DLGAP1: variants seen among roughly 807,000 people sequenced by gnomAD.
DLGAP1 encodes disks large-associated protein 1.
DLGAP1 carries 11 observed loss-of-function variants against 90.8 expected under a neutral mutation model. The ratio of observed to expected loss-of-function variants is 0.12; its 90% CI spans 0.08 to 0.20. The LOEUF is 0.20. Among genes scored for constraint, DLGAP1 ranks in the 10% least tolerant of loss-of-function variants. DLGAP1 has a pLI of 1.00. For synonymous variants in DLGAP1, 558 were observed against 540.7 expected, an observed-to-expected ratio of 1.03 and a Z score of -0.44; for missense variants, 1,050 against 1,333.8, an observed-to-expected ratio of 0.79 and a Z score of 3.31.
intron 4 of DLGAP1, among the ~76,000 whole-genome samples, chr18:3,873,540 T>C (rs914612460): frequency 6.6e-6 from 1 of 152,182 alleles, no homozygotes; most frequent in Non-Finnish European, 1.5e-5. Context: ...ATAAATTGCA[T>C]GTAAAGTAGT....
intron 2 of DLGAP1, among the ~76,000 whole-genome samples, chr18:4,144,231 A>C (rs1032006830): frequency 2.0e-5 from 3 of 151,900 alleles, no homozygotes; most frequent in African/African-American, 2.4e-5. Context: ...TTTATTTAGA[A>C]CCCCAGAGCA....
At chr18:3,910,795 T>A (rs1040980779) in intron 3 of DLGAP1, among the ~76,000 whole-genome samples, 1 of 152,164 alleles carries the variant, frequency 6.6e-6, no homozygotes, top group Non-Finnish European at 1.5e-5. Context: ...ATACCTCATT[T>A]TCTAAATATA....
intron 7 of DLGAP1, among the ~76,000 whole-genome samples, chr18:3,611,383 G>C (rs2057617873): frequency 6.6e-6 from 1 of 152,052 alleles, no homozygotes; most frequent in South Asian, 2.1e-4. Flanking sequence ...GCAGTGCAAA[G>C]TTGCAGCTTG....
chr18:4,108,503 G>A (rs1178371547), intron 2 of DLGAP1, among the ~76,000 whole-genome samples: 1 of 150,702 alleles, frequency 6.6e-6, no homozygotes, highest in Admixed American at 6.6e-5. Context: ...ATGAGGAAAA[G>A]GTATTATCAT....
At chr18:4,402,701 A>C (rs2082580799) in intron 1 of DLGAP1, among the ~76,000 whole-genome samples, 1 of 152,224 alleles carries the variant, frequency 6.6e-6, no homozygotes. Context: ...TGCTTTGCAA[A>C]AAGAAAAATT....
At chr18:3,962,189 T>C (rs2073212896) in intron 3 of DLGAP1, among the ~76,000 whole-genome samples, 1 of 152,242 alleles carries the variant, frequency 6.6e-6, no homozygotes, top group South Asian at 2.1e-4. Context: ...TTTTAATATC[T>C]GCAGTCCTTC....
Position 3,772,394 on chromosome 18 carries a change from TTCTTTCTTTCTTTC to T in DLGAP1, c.1173-29896_1173-29883del, listed in dbSNP as rs71160919. ...TTTCTTTCTTTCTTTCTTTCTTTCTTTCTTTCTTTCTTTCTCTTTCTTTCTTTCCTTCCTTCCTC... is the reference window on the plus strand; with the variant it reads ...TTTCTTTCTTTCTTTCTTTCTTTCTTTCTTTCTTTCTTTCCTTCCTTCCTC... On this transcript the variant is annotated intron_variant, in intron 5 of 12. Coordinates refer to ENST00000315677, the MANE Select transcript of DLGAP1 (RefSeq NM_004746.4). Among the ~76,000 whole-genome samples, 71 of 32,474 alleles carry T rather than the reference TTCTTTCTTTCTTTC, an allele frequency of 2.2e-3. 3 individuals carry two copies. The highest frequency in any genetic ancestry group is 0.012 in the South Asian group (7 of 566). 21.3% of individuals were successfully genotyped at this position (32,474 alleles called of 152,430 possible).
chr18:4,371,824 C>T (rs2081923048), intron 1 of DLGAP1, among the ~76,000 whole-genome samples: 1 of 152,204 alleles, frequency 6.6e-6, no homozygotes. Context: ...TGCTGCAGTA[C>T]TTAATCCTGT....
At chr18:3,538,511 T>C (rs903228143) in intron 9 of DLGAP1, among the ~76,000 whole-genome samples, 1 of 152,246 alleles carries the variant, frequency 6.6e-6, no homozygotes, top group African/African-American at 2.4e-5. Flanking sequence ...ACCACTCATT[T>C]CTTGGCTGCA....
At chr18:3,880,218 C>G (rs2071119905) in intron 3 of DLGAP1, 78 bp from the exon 4 acceptor site, 4 of 729,680 alleles carry the variant, frequency 5.5e-6, no homozygotes, top group South Asian at 5.3e-5. Context: ...GGGTCTTGCT[C>G]TGTTGCCCAG....
rs112175520 is a variant in DLGAP1, at chr18:4,131,154, C to T, written c.-159+20026G>A. Among the ~76,000 whole-genome samples the T allele has an allele frequency of 1.0e-3, 156 of 152,022 alleles. 1 individual carries two copies. Among genetic ancestry groups the T allele is most frequent in the African/African-American group, 3.7e-3 (155 of 41,478 alleles). ...GACATTCACAGAAAGAAACAAAGAC[C>T]GTTATTGTCTCCAGTTTATGAGCTT... is the stretch of plus-strand genomic sequence containing the variant. On this transcript the variant is annotated intron_variant, in intron 2 of 12. Coordinates refer to ENST00000315677, the MANE Select transcript of DLGAP1 (RefSeq NM_004746.4).
intron 1 of DLGAP1, among the ~76,000 whole-genome samples, chr18:4,245,767 G>A (rs2078641025): frequency 6.7e-6 from 1 of 149,546 alleles, no homozygotes; most frequent in East Asian, 1.9e-4. Context: ...TAGAGAGGCT[G>A]GGAGCATTTA....
At chr18:4,065,281 C>A (rs1488187300) in intron 2 of DLGAP1, among the ~76,000 whole-genome samples, 1 of 152,092 alleles carries the variant, frequency 6.6e-6, no homozygotes. Flanking sequence ...GACAAGGATG[C>A]CCTCTCTCAT....
chr18:4,164,170 A>G (rs1193752932), intron 1 of DLGAP1, among the ~76,000 whole-genome samples: 1 of 152,196 alleles, frequency 6.6e-6, no homozygotes, highest in Non-Finnish European at 1.5e-5. Flanking sequence ...AGTCCTCACT[A>G]AAATCAAAGA....
chr18:4,003,454 TGG>T (rs2074239163), intron 3 of DLGAP1, among the ~76,000 whole-genome samples: 1 of 151,182 alleles, frequency 6.6e-6, no homozygotes. Flanking sequence ...TTTTTTTTTT[TGG>T]AAGTTAACAG....
intron 1 of DLGAP1, among the ~76,000 whole-genome samples, chr18:4,197,188 T>TAA (rs532844849): frequency 0.012 from 875 of 73,728 alleles, 13 homozygotes; most frequent in African/African-American, 0.041. Context: ...TAAAAAAAAG[T>TAA]AAAAAAAAAA....
chr18:3,890,236 GC>G (rs1194353873), intron 3 of DLGAP1, among the ~76,000 whole-genome samples: 5 of 152,198 alleles, frequency 3.3e-5, no homozygotes, highest in African/African-American at 1.2e-4. Context: ...GTATTTATTG[GC>G]TTGGATACAT....
rs749911747 is a variant in DLGAP1, at chr18:3,660,373, C to A, written c.1591+68762G>T. 1.3e-5 allele frequency among the ~76,000 whole-genome samples: 2 copies of A among 152,202 alleles called. No homozygotes were observed. Among genetic ancestry groups the A allele is most frequent in the African/African-American group, 4.8e-5 (2 of 41,448 alleles). Reference sequence around the variant, plus strand: ...AGTTATCTCATTGATTTCACATCTGCGTCCTTGTTTACCTCTGTCCTCCTC... The same window carrying A: ...AGTTATCTCATTGATTTCACATCTGAGTCCTTGTTTACCTCTGTCCTCCTC... On this transcript the variant is annotated intron_variant, in intron 7 of 12. Transcript: ENST00000315677. The surrounding 1 kb of genome is among the most constrained non-coding windows in gnomAD (Gnocchi z 4.2).
chr18:4,165,688 C>A (rs926276372), intron 1 of DLGAP1, among the ~76,000 whole-genome samples: 10 of 152,122 alleles, frequency 6.6e-5, no homozygotes, highest in African/African-American at 2.4e-4. Context: ...GGGGCTCCCA[C>A]ACTTTACTTA....
Sources: gnomAD v4.1 joint callset for allele counts (sites outside exome capture counted in the v4.1 genomes callset) on GRCh38, gnomAD v4.1.1 for gene constraint, Gnocchi (gnomAD v3.1) non-coding constraint, MANE v1.5 for transcripts, NCBI Gene and HGNC (gene_info 2026-07-23, HGNC 2026-07-21) for gene names.